Variants in RFX3 observed in about 807,000 individuals in gnomAD.
RFX3 encodes the protein regulatory factor X3, also known as transcription factor RFX3.
A neutral mutation model predicts 98.6 loss-of-function variants in RFX3; 14 were observed. That is an observed-to-expected ratio of 0.14 (90% CI 0.09 to 0.22). The LOEUF (loss-of-function observed/expected upper bound fraction) is 0.22. Among genes scored for constraint, RFX3 ranks in the 10% least tolerant of loss-of-function variants. RFX3 has a pLI of 1.00. For synonymous variants in RFX3, 383 were observed against 328.4 expected (o/e 1.17, Z -1.80); for missense variants, 639 against 926.9 (o/e 0.69, Z 4.03).
chr9:3,345,383 C>A (rs147668323), intron 3 of RFX3, among the ~76,000 whole-genome samples: 1 of 152,026 alleles, frequency 6.6e-6, no homozygotes, highest in Non-Finnish European at 1.5e-5. Flanking sequence ...GGTAGGAATG[C>A]GGAGAATGCC....
At chr9:3,228,499 G>T (rs908561047) in intron 16 of RFX3, among the ~76,000 whole-genome samples, 4 of 152,110 alleles carry the variant, frequency 2.6e-5, no homozygotes, top group Admixed American at 1.3e-4. Context: ...CTTGCCTGGT[G>T]GGCCTTGAAT....
At chr9:3,301,270 T>C (rs999552493) in intron 5 of RFX3, among the ~76,000 whole-genome samples, 18 of 151,974 alleles carry the variant, frequency 1.2e-4, no homozygotes, top group African/African-American at 4.3e-4. Flanking sequence ...TCACTATTAT[T>C]ACTTTGTACA....
intron 4 of RFX3, among the ~76,000 whole-genome samples, chr9:3,309,971 G>T (rs1829772042): frequency 6.6e-6 from 1 of 152,204 alleles, no homozygotes; most frequent in African/African-American, 2.4e-5. Flanking sequence ...AAAGGACAGA[G>T]TGGGGAGAAC....
In RFX3 at chr9:3,346,019, A is replaced by C. The variant is rs529314552; in HGVS notation, c.215+648T>G. On this transcript the variant is annotated intron_variant, in intron 3 of 16. Transcript: ENST00000617270. ...CCAACAGGTTGCAAACAAAAAACCC[A>C]ATTTGGAAACAATCCTTGCGACTTA... Among the ~76,000 whole-genome samples, 11 of 152,288 alleles carry C rather than the reference A, an allele frequency of 7.2e-5. No individual in the cohort carries two copies. The East Asian group carries it at 2.1e-3, about 29-fold the overall frequency.
intron 1 of RFX3, chr9:3,489,637 CTTAATGT>C (rs1850579102): frequency 6.5e-6 from 1 of 153,954 alleles, no homozygotes. Context: ...TTGATATAGG[CTTAATGT>C]TTAGTCTATG....
At chr9:3,290,650 A>G (rs774385930) in intron 6 of RFX3, among the ~76,000 whole-genome samples, 4 of 152,218 alleles carry the variant, frequency 2.6e-5, no homozygotes, top group Non-Finnish European at 4.4e-5. Flanking sequence ...AGACAATCAC[A>G]TTCTTCAGTT....
chr9:3,366,700 TTCTTTC>T (rs1330222391), intron 2 of RFX3, among the ~76,000 whole-genome samples: 2 of 99,350 alleles, frequency 2.0e-5, no homozygotes, highest in African/African-American at 8.2e-5. Flanking sequence ...TTTCCTTTCT[TTCTTTC>T]TTTCTTTCTT....
At chr9:3,484,182 T>C (rs890229641) in intron 1 of RFX3, among the ~76,000 whole-genome samples, 7 of 152,220 alleles carry the variant, frequency 4.6e-5, no homozygotes, top group African/African-American at 1.7e-4. Context: ...AGGAAACCAT[T>C]TTCAAACCCT....
chr9:3,251,103 G>A (rs111890009), intron 14 of RFX3, among the ~76,000 whole-genome samples: 2 of 152,148 alleles, frequency 1.3e-5, no homozygotes, highest in South Asian at 2.1e-4. Flanking sequence ...TTTAAATAAT[G>A]TATGAGGCAT....
Position 3,330,495 on chromosome 9 carries a change from T to C in RFX3, c.238A>G (p.Thr80Ala). 6.2e-7 allele frequency: 1 copy of C among 1,612,664 alleles called. No homozygotes were observed. The highest frequency in any genetic ancestry group is 8.5e-7 in the Non-Finnish European group (1 of 1,178,768). ...GAIRTTTYPY[T>A]ETQMYSQNTG... The stretch of plus-strand genomic sequence containing the variant: ...TTTTGGCTGTACATCTGTGTCTCTG[T>C]GTAAGGATACGTTGTTGTTCGGCTT... Residue 80 changes from threonine to alanine, a missense_variant, in exon 4 of 17, where the codon ACA (threonine) becomes GCA (alanine). By Grantham distance (58) the Thr-to-Ala change is moderately conservative. Around this residue, in one of 9 missense-constraint regions of RFX3, gnomAD observed 210 missense variants for 197.7 expected, o/e 1.06. Transcript: ENST00000617270.
chr9:3,257,979 G>A (rs184801707), intron 13 of RFX3, among the ~76,000 whole-genome samples: 1 of 152,244 alleles, frequency 6.6e-6, no homozygotes, highest in East Asian at 1.9e-4. Context: ...ATTGCCATAA[G>A]TACTGTGATG....
chr9:3,369,861 G>A (rs1014012801), intron 2 of RFX3, among the ~76,000 whole-genome samples: 3 of 152,164 alleles, frequency 2.0e-5, no homozygotes, highest in South Asian at 2.1e-4. Context: ...ACGGAGTCTT[G>A]ATCTGTCGCC....
intron 2 of RFX3, among the ~76,000 whole-genome samples, chr9:3,357,916 C>G (rs1178818332): frequency 6.6e-6 from 1 of 151,994 alleles, no homozygotes; most frequent in Admixed American, 6.6e-5. Flanking sequence ...TCTTCTGTAA[C>G]TTATTTTATC....
intron 1 of RFX3, among the ~76,000 whole-genome samples, chr9:3,519,108 T>G (rs1818455725): frequency 1.3e-5 from 2 of 152,202 alleles, no homozygotes; most frequent in African/African-American, 4.8e-5. Flanking sequence ...GACAATGAAC[T>G]GGACAATGGG....
chr9:3,296,874 T>C (rs941445742), intron 5 of RFX3, among the ~76,000 whole-genome samples: 4 of 152,114 alleles, frequency 2.6e-5, no homozygotes, highest in African/African-American at 9.7e-5. Flanking sequence ...GAAATTGATT[T>C]AAAAGGATCC....
chr9:3,522,206 C>T (rs1476186711), intron 1 of RFX3, among the ~76,000 whole-genome samples: 2 of 152,108 alleles, frequency 1.3e-5, no homozygotes, highest in Non-Finnish European at 2.9e-5. Flanking sequence ...GCCATCTGTC[C>T]CTAACAAGCC....
At chr9:3,441,506 C>T (rs1373268030) in intron 1 of RFX3, among the ~76,000 whole-genome samples, 1 of 151,962 alleles carries the variant, frequency 6.6e-6, no homozygotes, top group Non-Finnish European at 1.5e-5. Flanking sequence ...GATTCTGGCG[C>T]TGGGGCATAG....
chr9:3,401,092 C>T (rs1232420050), intron 1 of RFX3, among the ~76,000 whole-genome samples: 2 of 152,202 alleles, frequency 1.3e-5, no homozygotes, highest in Non-Finnish European at 2.9e-5. Context: ...AACAGAAAGA[C>T]ATCCCCTCTC....
At chr9:3,491,047 C>T (rs1157911652) in intron 1 of RFX3, among the ~76,000 whole-genome samples, 2 of 151,940 alleles carry the variant, frequency 1.3e-5, no homozygotes, top group Admixed American at 1.3e-4. Context: ...TCGTAGTTAC[C>T]CGGCATGATT....
Sources: gnomAD v4.1 joint callset for allele counts (sites outside exome capture counted in the v4.1 genomes callset) on GRCh38, gnomAD v4.1.1 for gene constraint, gnomAD v4.1.1 regional missense constraint, MANE v1.5 for transcripts, NCBI Gene and HGNC (gene_info 2026-07-23, HGNC 2026-07-21) for gene names.